RBBP8: variants seen among roughly 807,000 people sequenced by gnomAD.
The protein encoded by RBBP8 is RB binding protein 8, endonuclease.
RBBP8 carries 88 observed loss-of-function variants against 108.3 expected under a neutral mutation model. The ratio of observed to expected loss-of-function variants is 0.81; its 90% CI spans 0.68 to 0.97. The LOEUF (loss-of-function observed/expected upper bound fraction) is 0.97. Among genes scored for constraint, RBBP8 ranks in the 50% least tolerant of loss-of-function variants. RBBP8 has a pLI of 0.00. For missense variants in RBBP8, 1,023 were observed against 1,049.0 expected (o/e 0.98, Z 0.34); for synonymous variants, 332 against 348.2 (o/e 0.95, Z 0.52).
intron 16 of RBBP8, among the ~76,000 whole-genome samples, chr18:23,009,779 T>C (rs994432783): frequency 6.6e-6 from 1 of 152,348 alleles, no homozygotes; most frequent in South Asian, 2.1e-4. Flanking sequence ...ACTTTGCTTT[T>C]TTAGACGGAG....
At chr18:22,919,731 T>G (rs1391917470) in intron 3 of RBBP8, among the ~76,000 whole-genome samples, 3 of 152,092 alleles carry the variant, frequency 2.0e-5, no homozygotes, top group African/African-American at 7.2e-5. Flanking sequence ...TTTGCATTTT[T>G]AGTACAGATG....
upstream of RBBP8, among the ~76,000 whole-genome samples, chr18:22,928,600 G>A (rs1367698473): frequency 6.6e-6 from 1 of 152,156 alleles, no homozygotes; most frequent in African/African-American, 2.4e-5. Flanking sequence ...GTACAGCAGA[G>A]ACTGTGCAAG....
chr18:22,930,400 T>C (rs1273065702), upstream of RBBP8, among the ~76,000 whole-genome samples: 3 of 152,182 alleles, frequency 2.0e-5, no homozygotes, highest in Non-Finnish European at 1.5e-5. Flanking sequence ...ATGCTGAAAT[T>C]GAAAAAGTTT....
At chr18:22,972,861 A>G (rs1914218430) in intron 5 of RBBP8, among the ~76,000 whole-genome samples, 3 of 152,174 alleles carry the variant, frequency 2.0e-5, no homozygotes, top group African/African-American at 7.2e-5. Context: ...CAATTAGCCC[A>G]AGGGAGAATC....
At chr18:22,973,531 C>G (rs926246626) in intron 5 of RBBP8, among the ~76,000 whole-genome samples, 72 of 152,106 alleles carry the variant, frequency 4.7e-4, no homozygotes, top group African/African-American at 1.7e-3. Flanking sequence ...CTACATAGGT[C>G]CAGATATTCA....
Position 22,993,735 on chromosome 18 carries a change from T to C in RBBP8, c.1827T>C (p.His609=), listed in dbSNP as rs776809938. 22 of 1,614,064 alleles carry C rather than the reference T, an allele frequency of 1.4e-5. No individual in the cohort carries two copies. Among genetic ancestry groups the C allele is most frequent in the African/African-American group, 9.3e-5 (7 of 74,936 alleles). ...TTCTGTTTTAGAGTGCTGGTTCTCA[T>C]GAGCCAATAAAAATACAAACCAGGT... ...VLDDIKSAGS[H]EPIKIQTRSD... Residue 609 remains histidine (H), a synonymous_variant, in exon 12 of 19, where the codon CAT becomes CAC. Transcript: ENST00000327155.
intron 4 of RBBP8, among the ~76,000 whole-genome samples, chr18:22,953,658 C>G (rs1478401460): frequency 1.3e-5 from 2 of 152,022 alleles, no homozygotes; most frequent in African/African-American, 4.8e-5. Flanking sequence ...TTCTCCAGGC[C>G]GTTTCAGAGA....
intron 7 of RBBP8, 105 bp downstream of exon 7, chr18:22,982,498 G>A: frequency 6.4e-7 from 1 of 1,571,928 alleles, no homozygotes; most frequent in Non-Finnish European, 8.6e-7. Flanking sequence ...TCACTATTCT[G>A]GTATCCCATG....
At chr18:22,965,854 C>G (rs746678171) in intron 4 of RBBP8, among the ~76,000 whole-genome samples, 1 of 152,132 alleles carries the variant, frequency 6.6e-6, no homozygotes, top group Non-Finnish European at 1.5e-5. Flanking sequence ...TTTCTGTGAT[C>G]GTGGAAATTG....
intron 3 of RBBP8, among the ~76,000 whole-genome samples, chr18:22,947,141 T>C (rs1911629239): frequency 1.3e-5 from 2 of 152,128 alleles, no homozygotes; most frequent in South Asian, 4.1e-4. Context: ...TTAGAAATTC[T>C]GGAATATAGA....
chr18:23,005,170 CAAAG>C (rs1004076922), intron 15 of RBBP8, among the ~76,000 whole-genome samples: 35 of 151,706 alleles, frequency 2.3e-4, no homozygotes, highest in African/African-American at 8.2e-4. Flanking sequence ...CTCAAGAAAA[CAAAG>C]AAAAATAAAA....
Position 22,985,961 on chromosome 18 carries a change from C to T in RBBP8, c.709+971C>T, listed in dbSNP as rs75237624. Among the ~76,000 whole-genome samples the T allele has an allele frequency of 7.9e-3, 1,195 of 151,122 alleles. 16 individuals carry two copies. The highest frequency in any genetic ancestry group is 0.028 in the African/African-American group (1,150 of 41,066). ...TTTCAACTTTTCTTTTGTTGAACAACCCCCACCCCAGCATTTTTAGACATT... is the reference window on the plus strand; with the variant it reads ...TTTCAACTTTTCTTTTGTTGAACAATCCCCACCCCAGCATTTTTAGACATT... On this transcript the variant is annotated intron_variant, in intron 8 of 18. Transcript: ENST00000327155.
In RBBP8 at chr18:22,993,547, T is replaced by C. The variant is rs763979250; in HGVS notation, c.1720T>C (p.Ser574Pro). 5 of 1,613,444 alleles carry C rather than the reference T, an allele frequency of 3.1e-6. No individual in the cohort carries two copies. In the East Asian group the frequency reaches 6.7e-5, roughly 22 times the overall value. Reference sequence around the variant, plus strand: ...TAAATGCTCTCCAGACAATAAACCATCATTACAAATAAAAGAAGAAAATGC... The same window carrying C: ...TAAATGCTCTCCAGACAATAAACCACCATTACAAATAAAAGAAGAAAATGC... ...LNKCSPDNKP[S>P]LQIKEENAVF... Residue 574 changes from serine (S) to proline (P), a missense_variant, in exon 11 of 19, where the codon TCA becomes CCA. Transcript: ENST00000327155.
At chr18:22,929,810 C>T (rs1472509054), upstream of RBBP8, among the ~76,000 whole-genome samples, 1 of 151,934 alleles carries the variant, frequency 6.6e-6, no homozygotes, top group African/African-American at 2.4e-5. Context: ...AGGTTGTCCA[C>T]CTAGAGTGAA....
chr18:23,013,433 C>T (rs557002005), intron 16 of RBBP8, among the ~76,000 whole-genome samples: 96 of 152,224 alleles, frequency 6.3e-4, no homozygotes, highest in African/African-American at 2.2e-3. Flanking sequence ...GAGTTACCAG[C>T]GCAGGTGAGC....
At chr18:22,985,518 G>C (rs914006346) in intron 8 of RBBP8, among the ~76,000 whole-genome samples, 2 of 152,158 alleles carry the variant, frequency 1.3e-5, no homozygotes, top group Admixed American at 6.6e-5. Context: ...GCTTTGCAGT[G>C]AAGATGCCAT....
chr18:22,949,612 C>G lies in RBBP8; in HGVS notation c.153-6C>G. On this transcript the variant is annotated splice_region_variant and splice_polypyrimidine_tract_variant and intron_variant, in intron 3 of 18. Transcript: ENST00000327155. ...CTGAAAAACTTATTTATTTTTTGAC[C>G]TTTAGAGATGCACAAAGACTAGAAG... 1 of 1,597,284 alleles carries G rather than the reference C, an allele frequency of 6.3e-7. No individual in the cohort carries two copies. The highest frequency in any genetic ancestry group is 1.1e-5 in the South Asian group (1 of 90,730).
At chr18:22,995,810 T>C (rs549035246) in intron 12 of RBBP8, among the ~76,000 whole-genome samples, 1 of 152,360 alleles carries the variant, frequency 6.6e-6, no homozygotes, top group South Asian at 2.1e-4. Context: ...GACATTCAAG[T>C]TGTCACTTTT....
intron 2 of RBBP8, among the ~76,000 whole-genome samples, chr18:22,942,655 A>G (rs1216084400): frequency 6.6e-6 from 1 of 152,090 alleles, no homozygotes; most frequent in Non-Finnish European, 1.5e-5. Flanking sequence ...GATGATATAC[A>G]GTGTTTATGC....
Sources: gnomAD v4.1 joint callset for allele counts (sites outside exome capture counted in the v4.1 genomes callset) on GRCh38, gnomAD v4.1.1 for gene constraint, MANE v1.5 for transcripts, NCBI Gene and HGNC (gene_info 2026-07-23, HGNC 2026-07-21) for gene names.